Variants in TAF1A observed in about 807,000 individuals in gnomAD.
The protein encoded by TAF1A is TATA-box binding protein associated factor, RNA polymerase I subunit A, also known as TATA box-binding protein-associated factor RNA polymerase I subunit A.
Under a neutral mutation model 61.6 loss-of-function variants are expected in TAF1A, and 42 were observed. That is an observed-to-expected ratio of 0.68 (90% CI 0.53 to 0.88). The LOEUF is 0.88. Among genes scored for constraint, TAF1A ranks in the 40% least tolerant of loss-of-function variants. TAF1A has a pLI of 0.00. For synonymous variants in TAF1A, 179 were observed against 177.7 expected, an observed-to-expected ratio of 1.01 and a Z score of -0.06; for missense variants, 424 against 518.7, an observed-to-expected ratio of 0.82 and a Z score of 1.77.
Position 222,566,275 on chromosome 1 carries a change from G to C in TAF1A, c.895-2150C>G, listed in dbSNP as rs114151685. Among the ~76,000 whole-genome samples the C allele has an allele frequency of 4.3e-3, 650 of 152,214 alleles. 7 individuals carry two copies. The highest frequency in any genetic ancestry group is 0.015 in the African/African-American group (613 of 41,532). On this transcript the variant is annotated intron_variant, in intron 7 of 10. Coordinates refer to ENST00000352967, the MANE Select transcript of TAF1A (RefSeq NM_005681.4). ...CAAACCAAAACCACACTGAGACACA[G>C]ATACCACTTCACACCCACTAGGATA...
At chr1:222,571,774 T>G (rs969812276) in intron 5 of TAF1A, among the ~76,000 whole-genome samples, 3 of 152,202 alleles carry the variant, frequency 2.0e-5, no homozygotes, top group Non-Finnish European at 4.4e-5. Context: ...GACTTACTAT[T>G]GTCAAATTGA....
chr1:222,570,232 T>C (rs1049933731), intron 6 of TAF1A, among the ~76,000 whole-genome samples: 1 of 152,218 alleles, frequency 6.6e-6, no homozygotes, highest in Non-Finnish European at 1.5e-5. Context: ...TTTTGTCCTC[T>C]TTCCTTCTAT....
chr1:222,570,943 G>A (rs1660326496), intron 5 of TAF1A, among the ~76,000 whole-genome samples: 1 of 152,060 alleles, frequency 6.6e-6, no homozygotes, highest in Non-Finnish European at 1.5e-5. Context: ...TAAGAATATA[G>A]CTGCAAAAAT....
intron 7 of TAF1A, among the ~76,000 whole-genome samples, chr1:222,566,909 A>T (rs2102645491): frequency 6.6e-6 from 1 of 152,370 alleles, no homozygotes; most frequent in South Asian, 2.1e-4. Context: ...TCAAAAAGTT[A>T]AAAGAATTAC....
At chr1:222,568,364 A>G (rs947532321) in intron 7 of TAF1A, among the ~76,000 whole-genome samples, 2 of 152,178 alleles carry the variant, frequency 1.3e-5, no homozygotes, top group Non-Finnish European at 2.9e-5. Flanking sequence ...GAAAATATTC[A>G]TAATTAATAT....
intron 6 of TAF1A, among the ~76,000 whole-genome samples, chr1:222,570,193 C>T (rs574347679): frequency 1.3e-5 from 2 of 152,278 alleles, no homozygotes; most frequent in African/African-American, 4.8e-5. Flanking sequence ...CATTCTTCAC[C>T]TCATATAGTA....
chr1:222,575,089 A>G (rs1660512481), intron 5 of TAF1A, among the ~76,000 whole-genome samples: 1 of 152,212 alleles, frequency 6.6e-6, no homozygotes, highest in African/African-American at 2.4e-5. Flanking sequence ...AAAAATAGCT[A>G]TTAGAAGCAC....
At chr1:222,575,283 G>A (rs1571815219) in intron 5 of TAF1A, among the ~76,000 whole-genome samples, 1 of 152,176 alleles carries the variant, frequency 6.6e-6, no homozygotes, top group African/African-American at 2.4e-5. Flanking sequence ...CAGTTTGGAA[G>A]GCTGAGGCAG....
downstream of TAF1A, among the ~76,000 whole-genome samples, chr1:222,554,906 G>A (rs1042745269): frequency 2.0e-5 from 3 of 152,172 alleles, no homozygotes; most frequent in South Asian, 2.1e-4. Context: ...TAATTAATCA[G>A]CTAGGGACTA....
chr1:222,569,274 C>T (rs1308465052), intron 7 of TAF1A: 2 of 1,422,486 alleles, frequency 1.4e-6, no homozygotes, highest in East Asian at 5.5e-5. Flanking sequence ...GTATTCCAAC[C>T]AGGGTTGCAC....
At chr1:222,566,453 T>C (rs1194646880) in intron 7 of TAF1A, among the ~76,000 whole-genome samples, 1 of 152,220 alleles carries the variant, frequency 6.6e-6, no homozygotes. Flanking sequence ...TAATATATAA[T>C]GAAATAATTA....
rs943544305 is a variant in TAF1A at position 222,561,481 on chromosome 1, T to C, written c.1123A>G (p.Arg375Gly). Reference protein sequence around the residue: ...LAWVQEEWNSRKNWWPGFHFS... With the variant: ...LAWVQEEWNSGKNWWPGFHFS... The stretch of plus-strand genomic sequence containing the variant: ...TGAAAGCCTGGCCACCAGTTTTTCC[T>C]GGAGTTCCACTCTTCTTGAACCCAC... Residue 375 changes from arginine to glycine, a missense_variant, in exon 10 of 11, where the codon AGG (arginine) becomes GGG (glycine). Physicochemically the swap from Arg to Gly is moderately radical, Grantham distance 125. Coordinates refer to ENST00000352967, the MANE Select transcript of TAF1A (RefSeq NM_005681.4). 3 of 1,612,424 alleles carry C rather than the reference T, an allele frequency of 1.9e-6. No homozygotes were observed. The highest frequency in any genetic ancestry group is 1.7e-6 in the Non-Finnish European group (2 of 1,179,166).
At chr1:222,578,367 C>A (rs1571820287) in intron 4 of TAF1A, among the ~76,000 whole-genome samples, 1 of 152,158 alleles carries the variant, frequency 6.6e-6, no homozygotes, top group Admixed American at 6.5e-5. Flanking sequence ...CAAGTGGCTA[C>A]CAAAGAAATT....
intron 5 of TAF1A, among the ~76,000 whole-genome samples, chr1:222,574,385 C>G (rs1660485680): frequency 6.6e-6 from 1 of 152,136 alleles, no homozygotes; most frequent in Admixed American, 6.5e-5. Context: ...AAAGAAAACT[C>G]TAATCAGATT....
At chr1:222,569,399 T>C (rs1223665549) in intron 7 of TAF1A, 111 bp downstream of exon 7, 4 of 1,598,362 alleles carry the variant, frequency 2.5e-6, no homozygotes, top group Admixed American at 1.7e-5. Context: ...CAGTGTACTG[T>C]ACATTATTGA....
At chr1:222,557,298 T>G (rs1659742205), downstream of TAF1A, among the ~76,000 whole-genome samples, 1 of 152,186 alleles carries the variant, frequency 6.6e-6, no homozygotes, top group Non-Finnish European at 1.5e-5. Context: ...AAAGCTCAGC[T>G]CATGTTCCAG....
At chr1:222,561,651 A>ATCATGTGTTATGCCTT in intron 9 of TAF1A, 133 bp from the exon 10 acceptor site, 2 of 831,268 alleles carry the variant, frequency 2.4e-6, no homozygotes, top group Non-Finnish European at 3.6e-6. Flanking sequence ...AATATGGCCA[A>ATCATGTGTTATGCCTT]GGCATAACAC....
intron 5 of TAF1A, among the ~76,000 whole-genome samples, chr1:222,571,765 A>T (rs1225311277): frequency 1.3e-5 from 2 of 152,220 alleles, no homozygotes; most frequent in Admixed American, 6.5e-5. Flanking sequence ...CAGTTGAAAG[A>T]CTTACTATTG....
In TAF1A at chr1:222,560,682, T is replaced by C. The variant is rs1277115029; in HGVS notation, c.1240+682A>G. Among the ~76,000 whole-genome samples the C allele has an allele frequency of 3.3e-5, 5 of 152,236 alleles. No homozygotes were observed. In the East Asian group the frequency reaches 5.8e-4, roughly 18 times the overall value. ...AATAGAAACCATATTCAAAAGTGAA[T>C]TGGAGAATCTCTTCAGGACACCTTA... On this transcript the variant is annotated intron_variant, in intron 10 of 10. Coordinates refer to ENST00000352967, the MANE Select transcript of TAF1A (RefSeq NM_005681.4).
Sources: gnomAD v4.1 joint callset for allele counts (sites outside exome capture counted in the v4.1 genomes callset) on GRCh38, gnomAD v4.1.1 for gene constraint, MANE v1.5 for transcripts, NCBI Gene and HGNC (gene_info 2026-07-23, HGNC 2026-07-21) for gene names.